GPBP1: variants seen among roughly 807,000 people sequenced by gnomAD.
GPBP1 encodes vasculin.
A neutral mutation model predicts 56.5 loss-of-function variants in GPBP1; 13 were observed. The ratio of observed to expected loss-of-function variants is 0.23; its 90% CI spans 0.15 to 0.37. The LOEUF (loss-of-function observed/expected upper bound fraction) is 0.37. Ranked by LOEUF, GPBP1 falls within the 10% of genes least tolerant of loss-of-function variation. The pLI is 1.00. For synonymous variants in GPBP1, 204 were observed against 188.9 expected, an observed-to-expected ratio of 1.08 and a Z score of -0.66; for missense variants, 477 against 572.3, an observed-to-expected ratio of 0.83 and a Z score of 1.70.
chr5:57,240,797 A>C (rs879543068), intron 6 of GPBP1, among the ~76,000 whole-genome samples: 1 of 152,108 alleles, frequency 6.6e-6, no homozygotes, highest in Non-Finnish European at 1.5e-5. Context: ...CAACATGGAG[A>C]AACCCTGTCA....
intron 11 of GPBP1, among the ~76,000 whole-genome samples, chr5:57,261,550 T>A (rs1468781019): frequency 6.6e-6 from 1 of 152,172 alleles, no homozygotes; most frequent in Non-Finnish European, 1.5e-5. Flanking sequence ...GAATTGACTT[T>A]ATAGAAGTCT....
chr5:57,184,225 C>T (rs1754188175), intron 2 of GPBP1, among the ~76,000 whole-genome samples: 1 of 151,976 alleles, frequency 6.6e-6, no homozygotes. Flanking sequence ...GATTGAGACA[C>T]TGTCTCAAAG....
In GPBP1 at chr5:57,251,022, C is replaced by T. The variant is rs374117309; in HGVS notation, c.1041C>T (p.Phe347=). The T allele has an allele frequency of 4.3e-6, 7 of 1,612,180 alleles. No individual in the cohort carries two copies. The highest frequency in any genetic ancestry group is 4.5e-5 in the East Asian group (2 of 44,824). ...AAGAAAGGGATATAAACCGAAACTT[C>T]GATGAAAATGAAATTCCTCAAGAGA... ...THQERDINRN[F]DENEIPQENG... is the part of the protein sequence containing the mutation. The change falls in exon 10 of 12, where the codon TTC becomes TTT. Residue 347 remains phenylalanine, a synonymous_variant. Coordinates refer to ENST00000506184, the MANE Select transcript of GPBP1 (RefSeq NM_022913.4).
chr5:57,235,497 C>CT (rs1247685578), intron 5 of GPBP1, among the ~76,000 whole-genome samples: 1 of 151,794 alleles, frequency 6.6e-6, no homozygotes, highest in East Asian at 1.9e-4. Context: ...GCAGAGTAGC[C>CT]TGTTTTTTAA....
At chr5:57,225,864 C>T (rs1229895586) in intron 3 of GPBP1, among the ~76,000 whole-genome samples, 2 of 152,206 alleles carry the variant, frequency 1.3e-5, no homozygotes, top group African/African-American at 4.8e-5. Flanking sequence ...CTGATGCCAT[C>T]AATGCAGCTC....
At chr5:57,237,771 G>T (rs1740605150) in intron 6 of GPBP1, among the ~76,000 whole-genome samples, 1 of 151,798 alleles carries the variant, frequency 6.6e-6, no homozygotes, top group African/African-American at 2.4e-5. Context: ...TTTTAGGAAA[G>T]ACTTCAATAG....
intron 3 of GPBP1, among the ~76,000 whole-genome samples, chr5:57,224,950 A>C (rs1756114948): frequency 6.6e-6 from 1 of 151,742 alleles, no homozygotes; most frequent in Non-Finnish European, 1.5e-5. Context: ...ATTGAGAACG[A>C]AGGTAGGGGA....
intron 3 of GPBP1, among the ~76,000 whole-genome samples, chr5:57,226,255 T>C (rs551743548): frequency 6.6e-6 from 1 of 152,346 alleles, no homozygotes; most frequent in Admixed American, 6.5e-5. Context: ...ATCATGGCCT[T>C]AGACCATATC....
At chr5:57,239,617 T>C (rs1261765568) in intron 6 of GPBP1, among the ~76,000 whole-genome samples, 1 of 151,658 alleles carries the variant, frequency 6.6e-6, no homozygotes, top group Non-Finnish European at 1.5e-5. Flanking sequence ...CCGTTTCTAC[T>C]AAAAATACAA....
intron 7 of GPBP1, 44 bp from the exon 8 acceptor site, chr5:57,247,031 A>G: frequency 6.4e-7 from 1 of 1,568,918 alleles, no homozygotes; most frequent in Admixed American, 1.9e-5. Flanking sequence ...TTTCTCCTGT[A>G]ACCTGTTTTT....
intron 2 of GPBP1, among the ~76,000 whole-genome samples, chr5:57,208,919 T>C (rs1561339971): frequency 6.6e-6 from 1 of 152,144 alleles, no homozygotes; most frequent in African/African-American, 2.4e-5. Flanking sequence ...CCTCCCAAAG[T>C]GCTGGGATTA....
intron 2 of GPBP1, among the ~76,000 whole-genome samples, chr5:57,210,424 C>G (rs1166235161): frequency 2.0e-5 from 3 of 152,028 alleles, no homozygotes; most frequent in Non-Finnish European, 4.4e-5. Flanking sequence ...CAGTAGATTT[C>G]TTAAAAAAAA....
chr5:57,194,209 A>G (rs981530674), intron 2 of GPBP1, among the ~76,000 whole-genome samples: 1 of 152,072 alleles, frequency 6.6e-6, no homozygotes, highest in Non-Finnish European at 1.5e-5. Context: ...TTTTGCTATT[A>G]TGAGTAGCGC....
At chr5:57,186,697 A>G (rs1016542604) in intron 2 of GPBP1, among the ~76,000 whole-genome samples, 3 of 152,056 alleles carry the variant, frequency 2.0e-5, no homozygotes, top group Non-Finnish European at 4.4e-5. Flanking sequence ...CCTTTTGAGT[A>G]GTTGAGACTA....
At position 57,175,421 on chromosome 5, in the gene GPBP1, A is replaced by G. The variant is rs75309919; in HGVS notation, c.-1010-27A>G. 7.1e-3 allele frequency: 2,847 copies of G among 398,444 alleles called. 68 individuals are homozygous for G. Among genetic ancestry groups the G allele is most frequent in the African/African-American group, 0.054 (2,607 of 48,716 alleles). 24.7% of individuals were successfully genotyped at this position (398,444 alleles called of 1,614,324 possible). A position where few individuals can be genotyped will look rare whatever the true frequency, so the allele number is the denominator to read the frequency against. ...TTTTAGCTCAAAATCAAAACTCAGT[A>G]TATAATTTTTTTTATAACTTTTACA... On this transcript the variant is annotated intron_variant, in intron 1 of 11. Transcript: ENST00000506184.
chr5:57,224,772 C>T (rs1474734043), intron 3 of GPBP1, among the ~76,000 whole-genome samples: 2 of 151,972 alleles, frequency 1.3e-5, no homozygotes, highest in East Asian at 3.9e-4. Flanking sequence ...TGTTGCTTTC[C>T]CCTAAGAGTA....
intron 2 of GPBP1, among the ~76,000 whole-genome samples, chr5:57,203,932 A>G (rs1053833224): frequency 6.6e-6 from 1 of 152,196 alleles, no homozygotes; most frequent in African/African-American, 2.4e-5. Flanking sequence ...TGCTACCTTT[A>G]GAGGCCATGT....
chr5:57,262,479 T>C (rs755596897), intron 11 of GPBP1, 115 bp from the exon 12 acceptor site: 11 of 751,560 alleles, frequency 1.5e-5, no homozygotes, highest in Non-Finnish European at 2.4e-5. Context: ...AGAAATATCA[T>C]TACTTGTGTA....
intron 10 of GPBP1, among the ~76,000 whole-genome samples, chr5:57,254,985 A>G (rs1219128023): frequency 6.6e-6 from 1 of 152,242 alleles, no homozygotes; most frequent in African/African-American, 2.4e-5. Context: ...GATGGCTGAA[A>G]TGTCAAATAC....
Sources: allele counts gnomAD v4.1 joint callset (sites outside exome capture counted in the v4.1 genomes callset), GRCh38; gene constraint gnomAD v4.1.1; transcripts MANE v1.5; gene names NCBI Gene and HGNC (gene_info 2026-07-23, HGNC 2026-07-21).